Variants in DCAF1 observed in about 807,000 individuals in gnomAD.
DCAF1 encodes DDB1 and CUL4 associated factor 1.
Under a neutral mutation model 128.0 loss-of-function variants are expected in DCAF1, and 15 were observed. The observed-to-expected ratio is 0.12, with a 90% confidence interval of 0.08 to 0.18. The LOEUF is 0.18. Ranked by LOEUF, DCAF1 falls within the 10% of genes least tolerant of loss-of-function variation. The pLI, the probability that DCAF1 is intolerant of heterozygous loss-of-function variation, is 1.00. For synonymous variants in DCAF1, 610 were observed against 603.0 expected (o/e 1.01, Z -0.17); for missense variants, 988 against 1,649.5 (o/e 0.60, Z 6.95).
At chr3:51,411,366 A>G (rs1452153564) in intron 23 of DCAF1, among the ~76,000 whole-genome samples, 1 of 152,200 alleles carries the variant, frequency 6.6e-6, no homozygotes, top group Non-Finnish European at 1.5e-5. Context: ...ATTAGACAAA[A>G]GAATCTGCCC....
At position 51,413,322 on chromosome 3, in the gene DCAF1, T is replaced by A; in HGVS notation, c.3996A>T (p.Ser1332=). 1 of 1,613,730 alleles carries A rather than the reference T, an allele frequency of 6.2e-7. No homozygotes were observed. Among genetic ancestry groups the A allele is most frequent in the South Asian group, 1.1e-5 (1 of 91,008 alleles). ...CAGTTGCATTAAATGTTCGGAAGGA[T>A]GACCCAAAGGGGCTTTTCATCCTCT... ...MEERMKSPFG[S]SFRTFNATDY... The change falls in exon 21 of 25, where the codon TCA becomes TCT. Residue 1332 remains serine, a synonymous_variant. Transcript: ENST00000684031.
At chr3:51,452,764 C>G (rs1251954136) in intron 6 of DCAF1, among the ~76,000 whole-genome samples, 11 of 152,120 alleles carry the variant, frequency 7.2e-5, no homozygotes, top group Admixed American at 7.2e-4. Context: ...GTAATCCCAG[C>G]ACTTTGGGAG....
chr3:51,398,934 T>G, intron 24 of DCAF1, 107 bp from the exon 25 acceptor site: 2 of 1,374,002 alleles, frequency 1.5e-6, no homozygotes, highest in Non-Finnish European at 2.0e-6. Flanking sequence ...CAAGGTTAAC[T>G]ACCAGTTTCC....
intron 23 of DCAF1, 94 bp downstream of exon 23, chr3:51,412,285 G>A: frequency 6.4e-7 from 1 of 1,558,924 alleles, no homozygotes; most frequent in African/African-American, 1.3e-5. Context: ...GGTAGCAAAG[G>A]TTGAGTAGAC....
At chr3:51,424,852 T>C (rs1699764452) in intron 13 of DCAF1, among the ~76,000 whole-genome samples, 1 of 152,140 alleles carries the variant, frequency 6.6e-6, no homozygotes, top group Non-Finnish European at 1.5e-5. Context: ...GGGGAGAATA[T>C]GGTTCAAATT....
intron 2 of DCAF1, among the ~76,000 whole-genome samples, chr3:51,486,837 T>C (rs1286441465): frequency 6.6e-6 from 1 of 152,088 alleles, no homozygotes; most frequent in Non-Finnish European, 1.5e-5. Context: ...TTTCACCATA[T>C]TGGCCAGGCT....
At position 51,398,756 on chromosome 3, in the gene DCAF1, C is replaced by A. The variant is rs1553623974; in HGVS notation, c.*13G>T. ...TCGCCTGCCAAGAATCTCTTCCAAG[C>A]AGTGATGGCTCCTCACTCATTCAGA... On this transcript the variant is annotated 3_prime_UTR_variant, in exon 25 of 25. Transcript: ENST00000684031. The A allele has an allele frequency of 1.8e-5, 29 of 1,585,380 alleles. No individual in the cohort carries two copies. The highest frequency in any genetic ancestry group is 2.5e-5 in the Non-Finnish European group (29 of 1,165,230).
intron 24 of DCAF1, among the ~76,000 whole-genome samples, chr3:51,399,850 C>A (rs2089518923): frequency 6.6e-6 from 1 of 152,102 alleles, no homozygotes; most frequent in Non-Finnish European, 1.5e-5. Flanking sequence ...TGAGCTGGAG[C>A]CCTGCAAATG....
At position 51,434,642 on chromosome 3, in the gene DCAF1, C is replaced by T. The variant is rs1021965165; in HGVS notation, c.1129-1378G>A. On this transcript the variant is annotated intron_variant, in intron 9 of 24. Transcript: ENST00000684031. ...TCAACTAATGAATTCCCAAAATCTG[C>T]CTTCCTTTAAATTGATCAATATATC... Among the ~76,000 whole-genome samples the T allele has an allele frequency of 4.9e-3, 749 of 152,282 alleles. 4 individuals carry two copies. Among genetic ancestry groups the T allele is most frequent in the Non-Finnish European group, 7.8e-3 (530 of 68,026 alleles).
intron 1 of DCAF1, among the ~76,000 whole-genome samples, chr3:51,499,195 G>A (rs2108627642): frequency 6.6e-6 from 1 of 152,360 alleles, no homozygotes; most frequent in South Asian, 2.1e-4. Flanking sequence ...TGACACCCCA[G>A]TTGAAAACTA....
chr3:51,494,116 T>C (rs1375458157), intron 2 of DCAF1, among the ~76,000 whole-genome samples: 1 of 144,638 alleles, frequency 6.9e-6, no homozygotes, highest in Non-Finnish European at 1.5e-5. Context: ...GAGGTTTCCT[T>C]TTTTTTTTTT....
At chr3:51,475,500 C>T (rs1402169596) in intron 3 of DCAF1, among the ~76,000 whole-genome samples, 1 of 152,120 alleles carries the variant, frequency 6.6e-6, no homozygotes, top group African/African-American at 2.4e-5. Context: ...CCCTGCTACT[C>T]AGGAGACTGA....
At chr3:51,449,354 C>T (rs1702150125) in intron 6 of DCAF1, among the ~76,000 whole-genome samples, 1 of 152,080 alleles carries the variant, frequency 6.6e-6, no homozygotes, top group Non-Finnish European at 1.5e-5. Flanking sequence ...ACTACAGGCA[C>T]ACGCCATCAC....
chr3:51,489,208 T>C (rs1380864924), intron 2 of DCAF1, among the ~76,000 whole-genome samples: 3 of 152,018 alleles, frequency 2.0e-5, no homozygotes, highest in Non-Finnish European at 4.4e-5. Flanking sequence ...CCAAGGCAGA[T>C]AGATCACTTG....
At chr3:51,438,674 C>T (rs181643269) in intron 9 of DCAF1, among the ~76,000 whole-genome samples, 2 of 152,332 alleles carry the variant, frequency 1.3e-5, no homozygotes, top group Admixed American at 6.5e-5. Context: ...TGCAATGGCA[C>T]GATCTCAGCT....
intron 2 of DCAF1, among the ~76,000 whole-genome samples, chr3:51,488,105 C>A (rs1553656279): frequency 6.6e-6 from 1 of 151,920 alleles, no homozygotes; most frequent in Non-Finnish European, 1.5e-5. Flanking sequence ...CCTCACACAA[C>A]CCGCCTGCCT....
Position 51,419,832 on chromosome 3 carries a change from C to T in DCAF1, c.3138G>A (p.Ala1046=), listed in dbSNP as rs782480142. 9 of 1,613,882 alleles carry T rather than the reference C, an allele frequency of 5.6e-6. No homozygotes were observed. The highest frequency in any genetic ancestry group is 3.3e-5 in the South Asian group (3 of 91,088). The change falls in exon 15 of 25, where the codon GCG becomes GCA. Residue 1046 remains alanine (A), a synonymous_variant. Transcript: ENST00000684031. ...QCPEPKQRRQ[A]PINFTSRLNR... is the part of the protein sequence containing the mutation. Reference sequence around the variant, plus strand: ...TTAGCCTTGACGTAAAGTTTATTGGCGCTTGCCGCCTCTGTTTTGGCTCAG... The same window carrying T: ...TTAGCCTTGACGTAAAGTTTATTGGTGCTTGCCGCCTCTGTTTTGGCTCAG...
intron 6 of DCAF1, among the ~76,000 whole-genome samples, chr3:51,451,606 C>CA (rs1253225671): frequency 6.6e-6 from 1 of 151,830 alleles, no homozygotes; most frequent in Non-Finnish European, 1.5e-5. Context: ...ACCAAAAATA[C>CA]AAAAAATTAG....
intron 3 of DCAF1, among the ~76,000 whole-genome samples, chr3:51,483,306 G>C (rs889942518): frequency 2.6e-5 from 4 of 151,708 alleles, no homozygotes; most frequent in African/African-American, 9.7e-5. Flanking sequence ...CGGGCATGGT[G>C]GTGGGAGCCT....
Sources: allele counts gnomAD v4.1 joint callset (sites outside exome capture counted in the v4.1 genomes callset), GRCh38; gene constraint gnomAD v4.1.1; transcripts MANE v1.5; gene names NCBI Gene and HGNC (gene_info 2026-07-23, HGNC 2026-07-21).